The following FCER1A variants were observed in gnomAD, a reference collection of about 807,000 sequenced individuals.
FCER1A encodes the protein high affinity immunoglobulin epsilon receptor subunit alpha.
Under a neutral mutation model 23.6 loss-of-function variants are expected in FCER1A, and 24 were observed. The ratio of observed to expected loss-of-function variants is 1.02; its 90% CI spans 0.74 to 1.43. FCER1A has a LOEUF of 1.43. Ranked by LOEUF, FCER1A falls within the 40% of genes most tolerant of loss-of-function variation. The pLI is 0.00. For synonymous variants in FCER1A, 121 were observed against 108.8 expected, an observed-to-expected ratio of 1.11 and a Z score of -0.70; for missense variants, 318 against 294.5, an observed-to-expected ratio of 1.08 and a Z score of -0.58.
At chr1:159,300,927 A>G (rs1652414499), upstream of FCER1A, among the ~76,000 whole-genome samples, 1 of 152,202 alleles carries the variant, frequency 6.6e-6, no homozygotes, top group South Asian at 2.1e-4. Flanking sequence ...ACTTTTCAAA[A>G]TAACTTGCTG....
chr1:159,287,939 G>A (rs189079200), upstream of FCER1A, among the ~76,000 whole-genome samples: 16 of 152,056 alleles, frequency 1.1e-4, no homozygotes, highest in Non-Finnish European at 2.2e-4. Flanking sequence ...GCTCTCTGCT[G>A]TGCTGAGTAT....
chr1:159,302,106 GAC>G (rs1652446247), upstream of FCER1A, among the ~76,000 whole-genome samples: 1 of 151,490 alleles, frequency 6.6e-6, no homozygotes, highest in Non-Finnish European at 1.5e-5. Context: ...GATTGTGCTA[GAC>G]CTATGCCTCT....
intron 1 of FCER1A, among the ~76,000 whole-genome samples, chr1:159,292,491 C>T (rs1008331200): frequency 2.6e-5 from 4 of 152,066 alleles, no homozygotes; most frequent in African/African-American, 7.2e-5. Context: ...AATATATATA[C>T]CTCAAACCCA....
chr1:159,296,090 T>A (rs1652287189), intron 1 of FCER1A, among the ~76,000 whole-genome samples: 1 of 152,216 alleles, frequency 6.6e-6, no homozygotes, highest in African/African-American at 2.4e-5. Flanking sequence ...TACTTTCTGA[T>A]GAATTTTATA....
chr1:159,288,694 C>T (rs1024946967), upstream of FCER1A, among the ~76,000 whole-genome samples: 6 of 152,186 alleles, frequency 3.9e-5, no homozygotes, highest in Admixed American at 6.6e-5. Flanking sequence ...CTCTGTGTTA[C>T]TACCTGGTAT....
In FCER1A at chr1:159,303,986, G is replaced by C; in HGVS notation, c.135G>C (p.Glu45Asp). Residue 45 changes from glutamate (E) to aspartate (D), a missense_variant, in exon 3 of 5, where the codon GAG becomes GAC. Glu to Asp is a conservative substitution (Grantham distance 45, BLOSUM62 2). Transcript: ENST00000693622. ...CATGGAATAGAATATTTAAAGGAGA[G>C]AATGTGACTCTTACATGTAATGGGA... Reference protein sequence around the residue: ...NPPWNRIFKGENVTLTCNGNN... With the variant: ...NPPWNRIFKGDNVTLTCNGNN... The C allele has an allele frequency of 6.2e-7, 1 of 1,612,628 alleles. No homozygotes were observed. The highest frequency in any genetic ancestry group is 8.5e-7 in the Non-Finnish European group (1 of 1,178,634).
chr1:159,296,086 C>T (rs3845625), intron 1 of FCER1A, among the ~76,000 whole-genome samples: 19,377 of 152,092 alleles, frequency 0.13, 1,586 homozygotes, highest in Admixed American at 0.17. Context: ...TGTTTACTTT[C>T]TGATGAATTT....
At chr1:159,307,706 A>G (rs1652655701) in intron 4 of FCER1A, 42 bp from the exon 5 acceptor site, 1 of 1,461,186 alleles carries the variant, frequency 6.8e-7, no homozygotes, top group East Asian at 2.3e-5. Context: ...TTCAGTTCCC[A>G]AGATGAATTA....
intron 1 of FCER1A, among the ~76,000 whole-genome samples, chr1:159,293,368 G>A (rs1214900900): frequency 6.6e-6 from 1 of 151,548 alleles, no homozygotes; most frequent in Non-Finnish European, 1.5e-5. Flanking sequence ...CAGCCCTAAT[G>A]TCCTTCTCTT....
At chr1:159,284,718 T>C (rs1003448463), upstream of FCER1A, among the ~76,000 whole-genome samples, 7 of 152,196 alleles carry the variant, frequency 4.6e-5, no homozygotes, top group African/African-American at 1.7e-4. Context: ...TATATACACA[T>C]GTATTTATGT....
At chr1:159,302,955 A>G (rs1226423559) in intron 2 of FCER1A, 81 bp downstream of exon 2, 1 of 1,307,458 alleles carries the variant, frequency 7.6e-7, no homozygotes, top group Non-Finnish European at 1.1e-6. Context: ...TCGTCCCATC[A>G]CTTCTGCTTT....
chr1:159,290,143 A>T (rs1310225899), intron 1 of FCER1A, among the ~76,000 whole-genome samples: 1 of 152,174 alleles, frequency 6.6e-6, no homozygotes, highest in African/African-American at 2.4e-5. Flanking sequence ...CTTATGGTTC[A>T]ATCAATTCTA....
At chr1:159,300,207 A>G (rs1652395664), upstream of FCER1A, among the ~76,000 whole-genome samples, 1 of 152,210 alleles carries the variant, frequency 6.6e-6, no homozygotes, top group Non-Finnish European at 1.5e-5. Context: ...AACTAGGAAT[A>G]GTACCTCTCG....
At chr1:159,285,319 T>G (rs1387308295), upstream of FCER1A, among the ~76,000 whole-genome samples, 2 of 152,214 alleles carry the variant, frequency 1.3e-5, no homozygotes, top group African/African-American at 4.8e-5. Flanking sequence ...CATTTACACA[T>G]TAAAAAGCCA....
upstream of FCER1A, among the ~76,000 whole-genome samples, chr1:159,298,306 C>G (rs572887106): frequency 1.3e-5 from 2 of 152,190 alleles, no homozygotes; most frequent in Non-Finnish European, 1.5e-5. Context: ...GAAATGTGGT[C>G]CCCAATGTTG....
upstream of FCER1A, among the ~76,000 whole-genome samples, chr1:159,297,913 C>T (rs1306713597): frequency 6.6e-6 from 1 of 152,120 alleles, no homozygotes; most frequent in Non-Finnish European, 1.5e-5. Context: ...CTTTTTTATA[C>T]TACAACTTTC....
At chr1:159,287,683 A>T (rs1450449918), upstream of FCER1A, among the ~76,000 whole-genome samples, 1 of 148,196 alleles carries the variant, frequency 6.7e-6, no homozygotes, top group Non-Finnish European at 1.5e-5. Context: ...TATATATATT[A>T]TTTCATATAT....
upstream of FCER1A, among the ~76,000 whole-genome samples, chr1:159,286,396 A>G (rs920204096): frequency 7.9e-5 from 12 of 151,382 alleles, no homozygotes; most frequent in Admixed American, 2.6e-4. Context: ...GCAGTGGCGC[A>G]GTCTCGGCTC....
chr1:159,303,354 C>A (rs1379407044), intron 2 of FCER1A, among the ~76,000 whole-genome samples: 1 of 152,118 alleles, frequency 6.6e-6, no homozygotes, highest in Non-Finnish European at 1.5e-5. Context: ...GCACTACATC[C>A]CCTTGTTCCA....
Sources: gnomAD v4.1 joint callset for allele counts (sites outside exome capture counted in the v4.1 genomes callset) on GRCh38, gnomAD v4.1.1 for gene constraint, MANE v1.5 for transcripts, NCBI Gene and HGNC (gene_info 2026-07-23, HGNC 2026-07-21) for gene names.